The following EPHA5 variants were observed in gnomAD, a reference collection of about 807,000 sequenced individuals.
EPHA5 encodes the protein ephrin type-A receptor 5.
Under a neutral mutation model 105.0 loss-of-function variants are expected in EPHA5, and 60 were observed. That is an observed-to-expected ratio of 0.57 (90% CI 0.46 to 0.71). The LOEUF (loss-of-function observed/expected upper bound fraction) is 0.71. Ranked by LOEUF, EPHA5 falls within the 30% of genes least tolerant of loss-of-function variation. EPHA5 has a pLI of 0.00. For missense variants in EPHA5, 1,218 were observed against 1,274.7 expected (o/e 0.96, Z 0.68); for synonymous variants, 513 against 449.1 (o/e 1.14, Z -1.80).
chr4:65,625,971 GC>G (rs1444040742), intron 2 of EPHA5, among the ~76,000 whole-genome samples: 4 of 151,972 alleles, frequency 2.6e-5, no homozygotes, highest in Non-Finnish European at 5.9e-5. Context: ...TTGGTGGCGG[GC>G]GCCTCTAGTC....
rs143011737 is a variant in EPHA5 at position 65,670,360 on chromosome 4, G to T, written c.-618C>A. 1.3e-5 allele frequency: 3 copies of T among 233,610 alleles called. No homozygotes were observed. Among genetic ancestry groups the T allele is most frequent in the Non-Finnish European group, 2.5e-5 (3 of 118,444 alleles). The allele number at this position is 233,610 out of a possible 1,614,324, so 14.5% of individuals were successfully genotyped here. A position where few individuals can be genotyped will look rare whatever the true frequency, so the allele number is the denominator to read the frequency against. On this transcript the variant is annotated 5_prime_UTR_variant, in exon 1 of 17. Transcript: ENST00000613740. Reference sequence around the variant, plus strand: ...GGGGAGGGACTGACGGCTGCCGGCCGGTAGGAGCGCGGAGCTGCGCTGCGG... The same window carrying T: ...GGGGAGGGACTGACGGCTGCCGGCCTGTAGGAGCGCGGAGCTGCGCTGCGG...
intron 8 of EPHA5, among the ~76,000 whole-genome samples, chr4:65,386,392 C>T (rs369816066): frequency 6.6e-5 from 10 of 151,908 alleles, no homozygotes; most frequent in African/African-American, 2.4e-4. Flanking sequence ...GAGGGGAATG[C>T]TAATTGTACA....
intron 16 of EPHA5, among the ~76,000 whole-genome samples, chr4:65,330,330 T>C (rs1281482921): frequency 2.0e-5 from 3 of 149,958 alleles, no homozygotes; most frequent in Non-Finnish European, 4.5e-5. Flanking sequence ...GAGGAGCAGA[T>C]AGGAAAGAAA....
At position 65,324,110 on chromosome 4, in the gene EPHA5, G is replaced by A; in HGVS notation, c.*4C>T. ...TCACTTGAAGAAGCGACATTTACAT[G>A]AAGTTACAATGGCACCATTCCGTTT... On this transcript the variant is annotated 3_prime_UTR_variant, in exon 17 of 17. Transcript: ENST00000613740. The A allele has an allele frequency of 6.3e-7, 1 of 1,593,476 alleles. No homozygotes were observed.
chr4:65,405,906 C>G (rs1578036100), intron 7 of EPHA5, among the ~76,000 whole-genome samples: 1 of 151,854 alleles, frequency 6.6e-6, no homozygotes, highest in East Asian at 1.9e-4. Context: ...CTTTCTCCTT[C>G]TTTTTTTGGC....
At chr4:65,371,345 G>A (rs773724724) in intron 8 of EPHA5, among the ~76,000 whole-genome samples, 27 of 151,988 alleles carry the variant, frequency 1.8e-4, no homozygotes, top group African/African-American at 6.3e-4. Context: ...GTCCTAGAGA[G>A]AGATGCTAGA....
intron 3 of EPHA5, among the ~76,000 whole-genome samples, chr4:65,583,479 T>C (rs780125606): frequency 2.1e-4 from 32 of 151,934 alleles, no homozygotes; most frequent in African/African-American, 5.8e-4. Flanking sequence ...TCAATTTATA[T>C]ATCACCAATA....
At position 65,643,413 on chromosome 4, in the gene EPHA5, A is replaced by T. The variant is rs1299875136; in HGVS notation, c.196T>A (p.Ser66Thr). The T allele has an allele frequency of 9.3e-6, 15 of 1,612,992 alleles. No individual in the cohort carries two copies. The highest frequency in any genetic ancestry group is 1.3e-5 in the Non-Finnish European group (15 of 1,179,266). Reference protein sequence around the residue: ...SPSNEVNLLDSRTVMGDLGWI... With the variant: ...SPSNEVNLLDTRTVMGDLGWI... ...CCCAGGTCCCCCATGACAGTGCGTG[A>T]ATCCAATAAATTCACTGAAAAGAAA... Residue 66 changes from serine (S) to threonine (T), a missense_variant, in exon 2 of 17, where the codon TCA becomes ACA. Ser to Thr is a moderately conservative substitution (Grantham distance 58). This residue lies in a region of EPHA5 where 233 missense variants were observed against 227.5 expected (regional missense o/e 1.02). Transcript: ENST00000613740.
chr4:65,348,688 A>G (rs1577879855), intron 13 of EPHA5, among the ~76,000 whole-genome samples: 2 of 55,648 alleles, frequency 3.6e-5, no homozygotes, highest in Admixed American at 1.9e-4. Flanking sequence ...ATATATATAT[A>G]TATATATATA....
chr4:65,389,079 A>C (rs1720436223), intron 8 of EPHA5, among the ~76,000 whole-genome samples: 1 of 152,048 alleles, frequency 6.6e-6, no homozygotes, highest in Non-Finnish European at 1.5e-5. Flanking sequence ...TAATAATTTA[A>C]GTGGCTGAAT....
intron 3 of EPHA5, among the ~76,000 whole-genome samples, chr4:65,572,918 C>T (rs1740352244): frequency 6.6e-6 from 1 of 151,850 alleles, no homozygotes; most frequent in South Asian, 2.1e-4. Flanking sequence ...GTATTATCAG[C>T]TACTCAGGAG....
chr4:65,351,890 G>T (rs774989351), intron 12 of EPHA5, among the ~76,000 whole-genome samples: 2 of 151,964 alleles, frequency 1.3e-5, no homozygotes, highest in Non-Finnish European at 2.9e-5. Context: ...AGAAGGGTTT[G>T]TTCACACTCC....
intron 4 of EPHA5, among the ~76,000 whole-genome samples, 175 bp downstream of exon 4, chr4:65,495,213 C>A (rs1731802498): frequency 2.0e-5 from 3 of 152,048 alleles, no homozygotes; most frequent in East Asian, 3.9e-4. Context: ...AAAAGAGACT[C>A]AAATTTTTCA....
At chr4:65,336,605 T>A (rs1721209290) in intron 14 of EPHA5, among the ~76,000 whole-genome samples, 1 of 152,146 alleles carries the variant, frequency 6.6e-6, no homozygotes, top group Non-Finnish European at 1.5e-5. Flanking sequence ...AAATGATGGA[T>A]AAGTCAAAGG....
Position 65,324,255 on chromosome 4 carries a change from C to G in EPHA5, c.2946-36G>C, listed in dbSNP as rs1376575508. 2.1e-6 allele frequency: 3 copies of G among 1,415,354 alleles called. No individual in the cohort carries two copies. In the African/African-American group the frequency reaches 4.3e-5, roughly 20 times the overall value. The allele number at this position is 1,415,354 out of a possible 1,614,324, so 87.7% of individuals were successfully genotyped here. ...AAAGCACACATTGGATGTATTGATTCAATTTGTAGCACACCTCAATATTTC... is the reference window on the plus strand; with the variant it reads ...AAAGCACACATTGGATGTATTGATTGAATTTGTAGCACACCTCAATATTTC... On this transcript the variant is annotated intron_variant, in intron 16 of 16. Transcript: ENST00000613740.
rs754344980 is a variant in EPHA5 at position 65,414,331 on chromosome 4, C to G, written c.1640G>C (p.Gly547Ala). 2 of 1,613,962 alleles carry G rather than the reference C, an allele frequency of 1.2e-6. No homozygotes were observed. The highest frequency in any genetic ancestry group is 2.2e-5 in the South Asian group (2 of 91,078). ...VFQIRARTAAGYGVFSRRFEF... is the reference protein window; with the variant it reads ...VFQIRARTAAAYGVFSRRFEF... ...AAATCTTCGACTGAAGACACCATAG[C>G]CTGCTGCTGTACGTGCTCGAATTTG... Residue 547 changes from glycine to alanine, a missense_variant, in exon 7 of 17, where the codon GGC becomes GCC. By Grantham distance (60) the Gly-to-Ala change is moderately conservative (BLOSUM62 0). Coordinates refer to ENST00000613740, the MANE Select transcript of EPHA5 (RefSeq NM_001281766.3).
intron 3 of EPHA5, among the ~76,000 whole-genome samples, chr4:65,558,091 G>T (rs1030170390): frequency 6.6e-6 from 1 of 151,920 alleles, no homozygotes; most frequent in African/African-American, 2.4e-5. Flanking sequence ...TGGCCAGGCT[G>T]GTCTCAAACT....
chr4:65,521,316 T>A (rs1051665042), intron 3 of EPHA5, among the ~76,000 whole-genome samples: 1 of 151,968 alleles, frequency 6.6e-6, no homozygotes, highest in East Asian at 1.9e-4. Context: ...TAGGTGGGAA[T>A]TGAACAATGA....
At chr4:65,347,933 G>T in intron 14 of EPHA5, 121 bp downstream of exon 14, 1 of 1,042,230 alleles carries the variant, frequency 9.6e-7, no homozygotes. Context: ...AGATCAGAGG[G>T]TAAGCAAAGT....
Sources: gnomAD v4.1 joint callset for allele counts (sites outside exome capture counted in the v4.1 genomes callset) on GRCh38, gnomAD v4.1.1 for gene constraint, gnomAD v4.1.1 regional missense constraint, MANE v1.5 for transcripts, NCBI Gene and HGNC (gene_info 2026-07-23, HGNC 2026-07-21) for gene names.